The following MAP4 variants were observed in gnomAD, a reference collection of about 807,000 sequenced individuals.
MAP4 encodes microtubule associated protein 4, also known as microtubule-associated protein 4.
A neutral mutation model predicts 170.2 loss-of-function variants in MAP4; 76 were observed. The observed-to-expected ratio is 0.45, with a 90% CI of 0.37 to 0.54. The LOEUF (loss-of-function observed/expected upper bound fraction) is 0.54. Ranked by LOEUF, MAP4 falls within the 20% of genes least tolerant of loss-of-function variation. MAP4 has a pLI of 0.00. For missense variants in MAP4, 2,506 were observed against 2,748.0 expected (o/e 0.91, Z 1.97); for synonymous variants, 909 against 994.5 (o/e 0.91, Z 1.62).
chr3:47,949,884 T>A (rs1211266068), intron 3 of MAP4, among the ~76,000 whole-genome samples: 1 of 125,400 alleles, frequency 8.0e-6, no homozygotes, highest in African/African-American at 3.8e-5. Flanking sequence ...GTTTTAGGGA[T>A]ACCACAATGA....
At chr3:48,011,088 G>A (rs2100105002) in intron 1 of MAP4, among the ~76,000 whole-genome samples, 1 of 152,132 alleles carries the variant, frequency 6.6e-6, no homozygotes, top group African/African-American at 2.4e-5. Flanking sequence ...CTGCCAAAGG[G>A]GCTCCTGTGG....
rs780276349 is a variant in MAP4 at position 47,871,955 on chromosome 3, C to T, written c.5903G>A (p.Ser1968Asn). The T allele has an allele frequency of 3.1e-6, 5 of 1,613,742 alleles. No individual in the cohort carries two copies. Among genetic ancestry groups the T allele is most frequent in the South Asian group, 1.1e-5 (1 of 91,034 alleles). Residue 1968 changes from serine (S) to asparagine (N), a missense_variant, in exon 13 of 21, where the codon AGT (serine) becomes AAT (asparagine). Ser to Asn is a conservative substitution (Grantham distance 46). Coordinates refer to ENST00000683076, the MANE Select transcript of MAP4 (RefSeq NM_001385682.1). ...AAAVASTGPS[S>N]RSPSTLLPKK... ...GGGCAGGAGCGTGGAGGGGCTCCTACTGCTTGGGCCAGTTGAGGCAACAGC... is the reference window on the plus strand; with the variant it reads ...GGGCAGGAGCGTGGAGGGGCTCCTATTGCTTGGGCCAGTTGAGGCAACAGC...
At chr3:47,976,313 GC>G (rs1394817220) in intron 3 of MAP4, among the ~76,000 whole-genome samples, 1 of 152,152 alleles carries the variant, frequency 6.6e-6, no homozygotes, top group African/African-American at 2.4e-5. Context: ...TACTACTAAG[GC>G]CTGGCAGCGG....
At position 47,910,821 on chromosome 3, in the gene MAP4, C is replaced by G. The variant is rs1445465404; in HGVS notation, c.3600G>C (p.Glu1200Asp). Residue 1200 changes from glutamate to aspartate, a missense_variant, in exon 9 of 21, where the codon GAG becomes GAC. Coordinates refer to ENST00000683076, the MANE Select transcript of MAP4 (RefSeq NM_001385682.1). ...GCTTTTCAGAAATCCAGGGAGCTGC[C>G]TCATGATCCTTCCATGGACACCTTC... ...KEGRCPWKDH[E>D]AAPWISEKPK... The G allele has an allele frequency of 2.6e-6, 4 of 1,535,972 alleles. No homozygotes were observed. The highest frequency in any genetic ancestry group is 3.5e-6 in the Non-Finnish European group (4 of 1,146,914).
At chr3:48,053,904 C>G (rs1022717374) in intron 1 of MAP4, among the ~76,000 whole-genome samples, 2 of 152,078 alleles carry the variant, frequency 1.3e-5, no homozygotes, top group Non-Finnish European at 2.9e-5. Context: ...CAGGAAATGT[C>G]TAGAAGAATA....
At chr3:47,979,543 C>T (rs991575924) in intron 2 of MAP4, among the ~76,000 whole-genome samples, 1 of 152,164 alleles carries the variant, frequency 6.6e-6, no homozygotes, top group Non-Finnish European at 1.5e-5. Context: ...GCAACCTCCA[C>T]CTCCTGGGTT....
At chr3:47,878,935 C>A (rs1041194021) in intron 10 of MAP4, among the ~76,000 whole-genome samples, 6 of 152,170 alleles carry the variant, frequency 3.9e-5, no homozygotes, top group Non-Finnish European at 8.8e-5. Context: ...GGTATGTGAA[C>A]TGTATGACCC....
At position 47,905,689 on chromosome 3, in the gene MAP4, TCA is replaced by T. The variant is rs1178916345; in HGVS notation, c.5384-2691_5384-2690del. Among the ~76,000 whole-genome samples the T allele has an allele frequency of 4.0e-5, 5 of 123,638 alleles. No individual in the cohort carries two copies. The East Asian group carries it at 1.1e-3, about 26-fold the overall frequency. The allele number at this position is 123,638 out of a possible 152,430, so 81.1% of individuals were successfully genotyped here. A position where few individuals can be genotyped will look rare whatever the true frequency, so the allele number is the denominator to read the frequency against. ...ATAAACTTGTTAATACATGAAGAAG[TCA>T]CTAAAAAAAAAATAAAACACAGCCA... On this transcript the variant is annotated intron_variant, in intron 9 of 20. Coordinates refer to ENST00000683076, the MANE Select transcript of MAP4 (RefSeq NM_001385682.1).
intron 10 of MAP4, among the ~76,000 whole-genome samples, chr3:47,893,760 T>G: frequency 7.3e-6 from 1 of 136,272 alleles, no homozygotes; most frequent in South Asian, 2.3e-4. Flanking sequence ...TTTAGATTGC[T>G]TTTTTTTTTT....
intron 1 of MAP4, among the ~76,000 whole-genome samples, chr3:48,003,156 A>G (rs973299698): frequency 2.6e-5 from 4 of 152,082 alleles, no homozygotes; most frequent in Non-Finnish European, 5.9e-5. Flanking sequence ...AATCTTCTCC[A>G]TAAAAAAGTA....
intron 1 of MAP4, among the ~76,000 whole-genome samples, chr3:48,088,222 C>T (rs1344791532): frequency 6.6e-6 from 1 of 150,474 alleles, no homozygotes; most frequent in Non-Finnish European, 1.5e-5. Context: ...GCCAGACACA[C>T]GCTTTAGTCC....
intron 10 of MAP4, among the ~76,000 whole-genome samples, chr3:47,902,128 T>G (rs1291828607): frequency 6.6e-6 from 1 of 152,174 alleles, no homozygotes; most frequent in South Asian, 2.1e-4. Context: ...CACTTCAGCC[T>G]GGGTGACAAA....
intron 3 of MAP4, among the ~76,000 whole-genome samples, chr3:47,940,627 A>G (rs1262150072): frequency 1.3e-5 from 2 of 152,192 alleles, no homozygotes; most frequent in African/African-American, 4.8e-5. Context: ...CTAAACACTT[A>G]AAGTACTAAT....
intron 3 of MAP4, chr3:47,974,742 T>C (rs2100080968): frequency 1.0e-6 from 1 of 979,630 alleles, no homozygotes. Context: ...GAAACAATCT[T>C]AGATTGTTAA....
intron 10 of MAP4, among the ~76,000 whole-genome samples, chr3:47,884,717 G>A (rs933955069): frequency 3.9e-5 from 6 of 152,120 alleles, no homozygotes; most frequent in Non-Finnish European, 5.9e-5. Context: ...GGCTGCCTGG[G>A]ACCCAGGCAG....
chr3:47,915,064 T>A, intron 7 of MAP4, 125 bp from the exon 8 acceptor site: 3 of 1,143,076 alleles, frequency 2.6e-6, no homozygotes, highest in East Asian at 4.7e-5. Flanking sequence ...AGCAAAGGAG[T>A]GAAGTGGTAG....
chr3:48,034,627 C>A (rs1397209837), intron 1 of MAP4, among the ~76,000 whole-genome samples: 1 of 152,086 alleles, frequency 6.6e-6, no homozygotes, highest in African/African-American at 2.4e-5. Flanking sequence ...TCGCTTGAAC[C>A]TGGAGGGGGA....
At chr3:47,980,623 T>G (rs1018817750) in intron 2 of MAP4, among the ~76,000 whole-genome samples, 1 of 151,862 alleles carries the variant, frequency 6.6e-6, no homozygotes. Flanking sequence ...AAGAAAGAAA[T>G]AAGGAAGGAA....
At chr3:47,991,885 G>A (rs987303096) in intron 2 of MAP4, among the ~76,000 whole-genome samples, 5 of 151,810 alleles carry the variant, frequency 3.3e-5, no homozygotes, top group African/African-American at 9.7e-5. Context: ...TAGCCAGGCT[G>A]GTCTCGAACT....
Sources: allele counts gnomAD v4.1 joint callset (sites outside exome capture counted in the v4.1 genomes callset), GRCh38; gene constraint gnomAD v4.1.1; transcripts MANE v1.5; gene names NCBI Gene and HGNC (gene_info 2026-07-23, HGNC 2026-07-21).